CASP8: variants seen among roughly 807,000 people sequenced by gnomAD.
The protein encoded by CASP8 is caspase 8, also known as caspase-8.
In CASP8, 24 loss-of-function variants were observed where a neutral mutation model predicts 46.3. The observed-to-expected ratio is 0.52, with a 90% CI of 0.38 to 0.73. The LOEUF is 0.73. Ranked by LOEUF, CASP8 falls within the 30% of genes least tolerant of loss-of-function variation. CASP8 has a pLI of 0.00. For missense variants in CASP8, 460 were observed against 559.0 expected (o/e 0.82, Z 1.79); for synonymous variants, 188 against 200.4 (o/e 0.94, Z 0.52).
chr2:201,250,700 G>T (rs1946739236), intron 2 of CASP8, among the ~76,000 whole-genome samples: 1 of 152,218 alleles, frequency 6.6e-6, no homozygotes, highest in Admixed American at 6.5e-5. Flanking sequence ...ATGAGTTTGG[G>T]TGAGGACACA....
upstream of CASP8, among the ~76,000 whole-genome samples, chr2:201,258,807 C>T (rs966619220): frequency 1.3e-5 from 2 of 152,198 alleles, no homozygotes; most frequent in Admixed American, 6.5e-5. Context: ...AGCCCCTTCC[C>T]CCTCTTCCGT....
intron 2 of CASP8, among the ~76,000 whole-genome samples, chr2:201,250,850 A>G (rs993570029): frequency 2.0e-5 from 3 of 152,226 alleles, no homozygotes; most frequent in Admixed American, 6.5e-5. Flanking sequence ...TTGCCAAATG[A>G]ATAATGCCAT....
In CASP8 at chr2:201,266,876, C is replaced by A; in HGVS notation, c.305+85C>A. 2.0e-6 allele frequency: 2 copies of A among 976,758 alleles called. No individual in the cohort carries two copies. The highest frequency in any genetic ancestry group is 2.5e-5 in the East Asian group (1 of 39,470). 60.5% of individuals were successfully genotyped at this position (976,758 alleles called of 1,614,324 possible). A position where few individuals can be genotyped will look rare whatever the true frequency, so the allele number is the denominator to read the frequency against. On this transcript the variant is annotated intron_variant, in intron 2 of 8. Transcript: ENST00000673742. This position sits in a 1 kb window ranked among gnomAD's most constrained non-coding sequence, Gnocchi z 5.7. ...CTGATTGGGGCTTTTTTTTGTGGTA[C>A]CCTGCCTAGTGCCTGGGAACCCAGC...
intron 2 of CASP8, among the ~76,000 whole-genome samples, chr2:201,268,013 A>G (rs957353282): frequency 6.6e-6 from 1 of 152,038 alleles, no homozygotes; most frequent in Non-Finnish European, 1.5e-5. Flanking sequence ...TGCAACATCT[A>G]CCTCCAGGGT....
At chr2:201,283,007 A>C (rs1315676075) in intron 7 of CASP8, among the ~76,000 whole-genome samples, 79 of 19,396 alleles carry the variant, frequency 4.1e-3, no homozygotes, top group African/African-American at 5.1e-3. Flanking sequence ...GACCCCCCCC[A>C]CCTCCCTCCC....
intron 6 of CASP8, among the ~76,000 whole-genome samples, chr2:201,275,685 C>T (rs1254849167): frequency 1.3e-5 from 2 of 152,216 alleles, no homozygotes; most frequent in South Asian, 4.1e-4. Flanking sequence ...GCATTGTCCC[C>T]ACTGAAGAGC....
chr2:201,254,924 G>A (rs1576252913), intron 2 of CASP8, among the ~76,000 whole-genome samples: 1 of 152,158 alleles, frequency 6.6e-6, no homozygotes, highest in East Asian at 1.9e-4. Context: ...GCTTCCCTGG[G>A]ACTAAGGACC....
chr2:201,267,451 C>T (rs1383070336), intron 2 of CASP8, among the ~76,000 whole-genome samples: 3 of 152,162 alleles, frequency 2.0e-5, no homozygotes, highest in South Asian at 2.1e-4. Context: ...CAGTCTCCAC[C>T]GAGGCTGCCC....
chr2:201,283,443 T>C (rs1360999781), intron 7 of CASP8, among the ~76,000 whole-genome samples: 84 of 20,996 alleles, frequency 4.0e-3, no homozygotes, highest in South Asian at 6.9e-3. Flanking sequence ...GGGCGGGGGG[T>C]TGACCCCCCC....
rs34309281 is a variant in CASP8 at position 201,235,540 on chromosome 2, C to A, written c.-27+1428C>A. On this transcript the variant is annotated intron_variant, in intron 2 of 6. Coordinates refer to the CASP8 transcript ENST00000264274. ...GTAATTTTAGAAAGTTCACCTTACT[C>A]CTTTATTAGCTTGTTAATTATGCAT... Among the ~76,000 whole-genome samples, 305 of 152,178 alleles carry A rather than the reference C, an allele frequency of 2.0e-3. 5 individuals are homozygous for A. The highest frequency in any genetic ancestry group is 7.1e-3 in the African/African-American group (295 of 41,514).
At chr2:201,257,341 G>GGTT (rs1947068819), upstream of CASP8, among the ~76,000 whole-genome samples, 1 of 151,812 alleles carries the variant, frequency 6.6e-6, no homozygotes, top group African/African-American at 2.4e-5. Context: ...AATTAGCCGG[G>GGTT]GGTGGTGGTG....
chr2:201,274,726 C>T (rs1419251536), intron 5 of CASP8, among the ~76,000 whole-genome samples, 163 bp from the exon 6 acceptor site: 1 of 152,256 alleles, frequency 6.6e-6, no homozygotes, highest in African/African-American at 2.4e-5. Flanking sequence ...ATCTGCCCAT[C>T]TTGGCCTCCC....
At chr2:201,271,699 G>A (rs1948258054) in intron 3 of CASP8, 78 bp downstream of exon 3, 2 of 900,840 alleles carry the variant, frequency 2.2e-6, no homozygotes, top group Non-Finnish European at 3.8e-6. Context: ...AAAGAGAGGG[G>A]TATTTTGGTA....
chr2:201,257,872 G>A (rs146962986), upstream of CASP8: 425 of 323,192 alleles, frequency 1.3e-3, no homozygotes, highest in Admixed American at 2.7e-3. Flanking sequence ...ACCGACAGGG[G>A]TTATTATTAC....
At chr2:201,244,180 G>A (rs1052187026) in intron 2 of CASP8, among the ~76,000 whole-genome samples, 1 of 152,194 alleles carries the variant, frequency 6.6e-6, no homozygotes, top group African/African-American at 2.4e-5. Context: ...TTCCAGCATC[G>A]TGTACAGATT....
intron 7 of CASP8, among the ~76,000 whole-genome samples, chr2:201,279,679 C>G (rs1459009899): frequency 6.6e-6 from 1 of 152,192 alleles, no homozygotes; most frequent in Non-Finnish European, 1.5e-5. Flanking sequence ...AGAGAGGTAG[C>G]TTGGTACGGT....
intron 5 of CASP8, among the ~76,000 whole-genome samples, chr2:201,274,138 A>G (rs759213896): frequency 6.6e-6 from 1 of 152,096 alleles, no homozygotes; most frequent in Non-Finnish European, 1.5e-5. Flanking sequence ...TGGATCACTC[A>G]AATGTATTTT....
chr2:201,271,105 C>T (rs1351065910), intron 2 of CASP8, among the ~76,000 whole-genome samples: 1 of 152,084 alleles, frequency 6.6e-6, no homozygotes, highest in Non-Finnish European at 1.5e-5. Flanking sequence ...GCTTGGCCGT[C>T]TTACTGAAGA....
At chr2:201,261,158 C>T (rs763629199) in intron 1 of CASP8, among the ~76,000 whole-genome samples, 6 of 152,084 alleles carry the variant, frequency 3.9e-5, no homozygotes, top group Admixed American at 6.6e-5. Flanking sequence ...TTTGGGAGGT[C>T]GAGGCGGTGG....
Sources: allele counts gnomAD v4.1 joint callset (sites outside exome capture counted in the v4.1 genomes callset), GRCh38; gene constraint gnomAD v4.1.1; non-coding constraint Gnocchi (gnomAD v3.1); transcripts MANE v1.5; gene names NCBI Gene and HGNC (gene_info 2026-07-23, HGNC 2026-07-21).